The following ETS1 variants were observed in gnomAD, a reference collection of about 807,000 sequenced individuals.
ETS1 encodes ETS proto-oncogene 1, transcription factor, also known as protein C-ets-1.
A neutral mutation model predicts 58.6 loss-of-function variants in ETS1; 15 were observed. The observed-to-expected ratio is 0.26, with a 90% CI of 0.17 to 0.39. ETS1 has a LOEUF of 0.39. ETS1 is among the 10% of genes least tolerant of loss of function. ETS1 has a pLI of 1.00. For missense variants in ETS1, 417 were observed against 610.5 expected (o/e 0.68, Z 3.34); for synonymous variants, 214 against 218.2 (o/e 0.98, Z 0.17).
Position 128,470,044 on chromosome 11 carries a change from G to A in ETS1, c.1124-6417C>T, listed in dbSNP as rs1862142501. Among the ~76,000 whole-genome samples, 3 of 152,206 alleles carry A rather than the reference G, an allele frequency of 2.0e-5. No individual in the cohort carries two copies. The South Asian group carries it at 6.2e-4, about 32-fold the overall frequency. On this transcript the variant is annotated intron_variant, in intron 8 of 9. Transcript: ENST00000392668. ...TCAAACAACAAAGAACATTCTGACA[G>A]GTGTTTGGAAAGCATACTTGCTGAA...
At chr11:128,546,448 A>G (rs1159464975) in intron 3 of ETS1, among the ~76,000 whole-genome samples, 13 of 152,320 alleles carry the variant, frequency 8.5e-5, no homozygotes, top group Non-Finnish European at 1.6e-4. Context: ...CAAAATTCAT[A>G]TACGCTCAAG....
At chr11:128,563,004 A>G (rs1248655453) in intron 2 of ETS1, among the ~76,000 whole-genome samples, 2 of 152,176 alleles carry the variant, frequency 1.3e-5, no homozygotes, top group African/African-American at 4.8e-5. Context: ...TATTTTTACA[A>G]CAGAAAATCA....
rs1016325772 is a variant in ETS1, at chr11:128,492,058, T to C, written c.215-1482A>G. On this transcript the variant is annotated intron_variant, in intron 3 of 9. Transcript: ENST00000392668. ...AGCAAAGAAATGAGCTGAGAATCCC[T>C]ACTAGCTTTCCTGTTACCTTTTGAC... is the stretch of plus-strand genomic sequence containing the variant. 9.2e-5 allele frequency among the ~76,000 whole-genome samples: 14 copies of C among 152,256 alleles called. No homozygotes were observed. The East Asian group carries it at 1.3e-3, about 15-fold the overall frequency.
chr11:128,583,072 T>C (rs150399665), intron 1 of ETS1, among the ~76,000 whole-genome samples: 3 of 152,258 alleles, frequency 2.0e-5, no homozygotes, highest in South Asian at 2.1e-4. Context: ...CTGCAGTAGG[T>C]CTGAGGTCTG....
chr11:128,585,242 G>GAAAGAA lies in ETS1; in HGVS notation c.-15+2245_-15+2246insTTCTTT, dbSNP rs1192534644. Among the ~76,000 whole-genome samples the GAAAGAA allele has an allele frequency of 3.0e-5, 4 of 131,246 alleles. No homozygotes were observed. In the East Asian group the frequency reaches 7.2e-4, roughly 24 times the overall value. The allele number at this position is 131,246 out of a possible 152,430, so 86.1% of individuals were successfully genotyped here. A position where few individuals can be genotyped will look rare whatever the true frequency, so the allele number is the denominator to read the frequency against. On this transcript the variant is annotated intron_variant, in intron 1 of 9. Transcript: ENST00000392668. ...AGAAAGAAAGAAAGAAAGAAAGAAA[G>GAAAGAA]AAAAAGAAAGGAGGGAGGGAGGAAA...
chr11:128,522,386 C>T (rs953616858), intron 3 of ETS1: 6 of 983,072 alleles, frequency 6.1e-6, no homozygotes, highest in African/African-American at 1.7e-5. Flanking sequence ...CGCCGCGTCT[C>T]GGCCGCTGGG....
chr11:128,585,983 C>T (rs1157533567), intron 1 of ETS1, among the ~76,000 whole-genome samples: 1 of 152,196 alleles, frequency 6.6e-6, no homozygotes, highest in African/African-American at 2.4e-5. Context: ...GGATCCCACC[C>T]CTCTACCAGC....
intron 3 of ETS1, among the ~76,000 whole-genome samples, chr11:128,502,756 A>G (rs1863123938): frequency 1.3e-5 from 2 of 152,160 alleles, no homozygotes; most frequent in South Asian, 4.1e-4. Context: ...TAATCCTCCT[A>G]CAGCCTTACT....
intron 3 of ETS1, among the ~76,000 whole-genome samples, chr11:128,518,894 G>A (rs531259799): frequency 2.0e-5 from 3 of 152,296 alleles, no homozygotes; most frequent in African/African-American, 7.2e-5. Context: ...CAAGTATCCA[G>A]GATTAGAGCT....
intron 1 of ETS1, 56 bp from the exon 2 acceptor site, chr11:128,573,200 G>T: frequency 1.6e-6 from 2 of 1,276,318 alleles, no homozygotes; most frequent in Non-Finnish European, 2.2e-6. Context: ...TTGTGGATTA[G>T]AATACACAAG....
chr11:128,572,951 G>A, intron 2 of ETS1, 111 bp downstream of exon 2: 3 of 745,338 alleles, frequency 4.0e-6, no homozygotes, highest in Non-Finnish European at 4.6e-6. Flanking sequence ...TTCGAACCTT[G>A]GAGTTCAGGT....
intron 2 of ETS1, among the ~76,000 whole-genome samples, chr11:128,571,227 G>C (rs1591671259): frequency 6.6e-6 from 1 of 151,694 alleles, no homozygotes; most frequent in South Asian, 2.1e-4. Context: ...AGGAGATCGA[G>C]ACCACGGTGA....
intron 3 of ETS1, chr11:128,522,156 CGGTGCGCGCCCGGCA>C (rs1343445502): frequency 7.7e-7 from 1 of 1,290,652 alleles, no homozygotes; most frequent in Non-Finnish European, 9.8e-7. Context: ...CGCGCCCGGA[CGGTGCGCGCCCGGCA>C]CTCCAGGGGA....
rs1862580818 is a variant in ETS1, at chr11:128,484,804, G to A, written c.862+19C>T. On this transcript the variant is annotated intron_variant, in intron 7 of 9. Transcript: ENST00000392668. ...ATTCTTGTAAACCCAAGAGCTTTTA[G>A]AGAAGAAATATGACCTACCACGACT... is the stretch of plus-strand genomic sequence containing the variant. The A allele has an allele frequency of 6.2e-7, 1 of 1,602,334 alleles. No individual in the cohort carries two copies. Among genetic ancestry groups the A allele is most frequent in the Non-Finnish European group, 8.5e-7 (1 of 1,171,768 alleles).
chr11:128,561,748 T>C (rs1864408681), intron 2 of ETS1, among the ~76,000 whole-genome samples: 1 of 152,146 alleles, frequency 6.6e-6, no homozygotes, highest in Admixed American at 6.5e-5. Flanking sequence ...CGGACATAAA[T>C]AAGGAGAGTG....
intron 2 of ETS1, among the ~76,000 whole-genome samples, chr11:128,559,348 G>C (rs1223734804): frequency 6.6e-6 from 1 of 152,244 alleles, no homozygotes; most frequent in Non-Finnish European, 1.5e-5. Context: ...GTCCACACCT[G>C]GGTGATAACA....
intron 2 of ETS1, among the ~76,000 whole-genome samples, chr11:128,557,702 A>G (rs975328978): frequency 2.0e-5 from 3 of 152,132 alleles, no homozygotes; most frequent in African/African-American, 4.8e-5. Flanking sequence ...GGGTCCCTGC[A>G]CCTTCATAAA....
At chr11:128,484,177 G>C (rs769487786) in intron 7 of ETS1, among the ~76,000 whole-genome samples, 11 of 152,042 alleles carry the variant, frequency 7.2e-5, no homozygotes, top group Non-Finnish European at 1.0e-4. Flanking sequence ...TATTATAATA[G>C]TCACGTTAAC....
At chr11:128,578,347 C>T (rs1431852275) in intron 1 of ETS1, among the ~76,000 whole-genome samples, 1 of 152,122 alleles carries the variant, frequency 6.6e-6, no homozygotes, top group Non-Finnish European at 1.5e-5. Flanking sequence ...TTCACATCAA[C>T]TCTGACCCTG....
Sources: gnomAD v4.1 joint callset for allele counts (sites outside exome capture counted in the v4.1 genomes callset) on GRCh38, gnomAD v4.1.1 for gene constraint, MANE v1.5 for transcripts, NCBI Gene and HGNC (gene_info 2026-07-23, HGNC 2026-07-21) for gene names.